The following LPCAT2 variants were observed in gnomAD, a reference collection of about 807,000 sequenced individuals.
LPCAT2 encodes lysophosphatidylcholine acyltransferase 2.
LPCAT2 carries 58 observed loss-of-function variants against 64.7 expected under a neutral mutation model. The observed-to-expected ratio is 0.90, with a 90% CI of 0.73 to 1.12. LPCAT2 has a LOEUF of 1.12. LPCAT2 is among the 50% of genes most tolerant of loss of function. The pLI, the probability that LPCAT2 is intolerant of heterozygous loss-of-function variation, is 0.00. For missense variants in LPCAT2, 579 were observed against 669.8 expected, an observed-to-expected ratio of 0.86 and a Z score of 1.50; for synonymous variants, 252 against 245.3, an observed-to-expected ratio of 1.03 and a Z score of -0.26.
intron 8 of LPCAT2, among the ~76,000 whole-genome samples, chr16:55,543,612 A>G (rs781648573): frequency 3.3e-5 from 5 of 152,174 alleles, no homozygotes; most frequent in Admixed American, 6.5e-5. Context: ...ATTTTTAGAA[A>G]TATTTCTTTG....
At chr16:55,538,698 A>AAAAAAG (rs1567397106) in intron 8 of LPCAT2, 1 of 149,846 alleles carries the variant, frequency 6.7e-6, no homozygotes, top group African/African-American at 2.5e-5. Context: ...AAAAAAAAAA[A>AAAAAAG]AAAAAGAAAA....
intron 1 of LPCAT2, 32 bp from the exon 2 acceptor site, chr16:55,525,476 A>G: frequency 6.3e-7 from 1 of 1,581,016 alleles, no homozygotes. Context: ...AATAATGTCC[A>G]TTCATTTATT....
chr16:55,548,922 A>C (rs1270385213), intron 9 of LPCAT2, among the ~76,000 whole-genome samples: 4 of 152,234 alleles, frequency 2.6e-5, no homozygotes, highest in African/African-American at 9.6e-5. Context: ...GAGAAAAGTG[A>C]GGCTTCATCC....
chr16:55,512,498 C>T (rs1325744445), intron 1 of LPCAT2, among the ~76,000 whole-genome samples: 2 of 152,050 alleles, frequency 1.3e-5, no homozygotes, highest in African/African-American at 4.8e-5. Context: ...AAAGCCTCAG[C>T]CTTATTGATT....
chr16:55,546,226 T>A (rs1176251702), intron 9 of LPCAT2, among the ~76,000 whole-genome samples: 1 of 152,094 alleles, frequency 6.6e-6, no homozygotes, highest in Non-Finnish European at 1.5e-5. Context: ...AAGAGATGCA[T>A]AGAAGAGGGA....
chr16:55,565,938 A>T (rs558401714), intron 11 of LPCAT2, among the ~76,000 whole-genome samples: 3 of 152,162 alleles, frequency 2.0e-5, no homozygotes, highest in African/African-American at 7.2e-5. Context: ...GTACTGTCTG[A>T]TTTAATTTAT....
At chr16:55,572,041 T>A (rs755551465) in intron 11 of LPCAT2, among the ~76,000 whole-genome samples, 1 of 152,318 alleles carries the variant, frequency 6.6e-6, no homozygotes, top group South Asian at 2.1e-4. Flanking sequence ...TCCATGCTGC[T>A]TTTTCCTTCA....
chr16:55,571,346 T>C (rs1417393713), intron 11 of LPCAT2, among the ~76,000 whole-genome samples: 4 of 152,132 alleles, frequency 2.6e-5, no homozygotes, highest in African/African-American at 9.7e-5. Context: ...ACTAAGCAGA[T>C]GAAAGGTGCT....
At chr16:55,533,815 T>G (rs905252516) in intron 6 of LPCAT2, among the ~76,000 whole-genome samples, 9 of 152,168 alleles carry the variant, frequency 5.9e-5, no homozygotes, top group African/African-American at 2.2e-4. Flanking sequence ...ACCATTTTCC[T>G]AAAGAAAGAT....
In LPCAT2 at chr16:55,583,078, T is replaced by A. The variant is rs1963905201; in HGVS notation, c.1615T>A (p.Ser539Thr). ...VSPEKHEESTSDKKDD is the reference protein window; with the variant it reads ...VSPEKHEESTTDKKDD The stretch of plus-strand genomic sequence containing the variant: ...CCCTGAAAAGCATGAAGAGAGTACC[T>A]CAGACAAAAAAGATGACTGAAAGCA... The change falls in exon 14 of 14, where the codon TCA becomes ACA. Residue 539 changes from serine (S) to threonine (T), a missense_variant. Physicochemically the swap from Ser to Thr is moderately conservative, Grantham distance 58. Coordinates refer to ENST00000262134, the MANE Select transcript of LPCAT2 (RefSeq NM_017839.5). 1 of 1,612,084 alleles carries A rather than the reference T, an allele frequency of 6.2e-7. No individual in the cohort carries two copies. The highest frequency in any genetic ancestry group is 1.3e-5 in the African/African-American group (1 of 74,660).
intron 1 of LPCAT2, among the ~76,000 whole-genome samples, chr16:55,509,705 C>A (rs1363631956): frequency 6.6e-6 from 1 of 151,926 alleles, no homozygotes; most frequent in Non-Finnish European, 1.5e-5. Context: ...GAGGAGAGGA[C>A]TTCTGAGGGG....
chr16:55,583,227 A>G lies in LPCAT2; in HGVS notation c.*129A>G. 1.4e-6 allele frequency: 1 copy of G among 726,068 alleles called. No homozygotes were observed. Among genetic ancestry groups the G allele is most frequent in the Non-Finnish European group, 2.1e-6 (1 of 475,344 alleles). The allele number at this position is 726,068 out of a possible 1,614,324, so 45.0% of individuals were successfully genotyped here. On this transcript the variant is annotated 3_prime_UTR_variant, in exon 14 of 14. Transcript: ENST00000262134. ...AAGATTTTTAAAACAAAAATGATAG[A>G]TTTTCTTACTAAAAATGTTTTTATT...
In LPCAT2 at chr16:55,516,932, A is replaced by C. The variant is rs1356307056; in HGVS notation, c.171+7580A>C. On this transcript the variant is annotated intron_variant, in intron 1 of 13. Transcript: ENST00000262134. ...TAAAGTGGTTAAAATAATACAAAGT[A>C]TGTTCTCTGACCACAGTGGATTGAA... Among the ~76,000 whole-genome samples, 5 of 152,248 alleles carry C rather than the reference A, an allele frequency of 3.3e-5. No individual in the cohort carries two copies. In the South Asian group the frequency reaches 1.0e-3, roughly 31 times the overall value.
chr16:55,509,169 GC>G lies in LPCAT2; in HGVS notation c.-10del. ...GTAGATCGCTTCGGCCGGGTTCTAC[GC>G]CCGGCTCAACTATGAGCCGGTGCGC... On this transcript the variant is annotated 5_prime_UTR_variant, in exon 1 of 14. Transcript: ENST00000262134. The G allele has an allele frequency of 7.5e-7, 1 of 1,337,038 alleles. No homozygotes were observed. The highest frequency in any genetic ancestry group is 9.6e-7 in the Non-Finnish European group (1 of 1,039,362). The allele number at this position is 1,337,038 out of a possible 1,614,324, so 82.8% of individuals were successfully genotyped here. A position where few individuals can be genotyped will look rare whatever the true frequency, so the allele number is the denominator to read the frequency against.
intron 8 of LPCAT2, among the ~76,000 whole-genome samples, chr16:55,544,244 A>AG (rs397766023): frequency 6.6e-6 from 1 of 151,740 alleles, no homozygotes; most frequent in African/African-American, 2.4e-5. Context: ...TTGGAAAAAA[A>AG]TGGTATTTTT....
intron 3 of LPCAT2, among the ~76,000 whole-genome samples, 194 bp downstream of exon 3, chr16:55,528,788 A>G (rs1963211466): frequency 1.3e-5 from 2 of 152,192 alleles, no homozygotes. Flanking sequence ...TCCCTTTTAT[A>G]GCTTCATAAC....
rs1163237222 is a variant in LPCAT2 at position 55,529,899 on chromosome 16, A to G, written c.594A>G (p.Thr198=). Residue 198 remains threonine, a synonymous_variant, in exon 4 of 14, where the codon ACA becomes ACG. Coordinates refer to ENST00000262134, the MANE Select transcript of LPCAT2 (RefSeq NM_017839.5). The part of the protein sequence containing the change: ...SRVDPDSRKN[T]INEIIKRTTS... The stretch of plus-strand genomic sequence containing the variant: ...TAGATCCGGATTCCCGAAAAAACAC[A>G]ATAAATGAAATAATAAAGCGAACAA... 4.1e-6 allele frequency: 6 copies of G among 1,446,736 alleles called. No individual in the cohort carries two copies. The highest frequency in any genetic ancestry group is 2.1e-5 in the Admixed American group (1 of 47,672). The allele number at this position is 1,446,736 out of a possible 1,614,324, so 89.6% of individuals were successfully genotyped here.
At chr16:55,573,184 T>TGCTTTGAGAA in intron 11 of LPCAT2, among the ~76,000 whole-genome samples, 1 of 152,342 alleles carries the variant, frequency 6.6e-6, no homozygotes, top group Admixed American at 6.5e-5. Context: ...AAGTTTTGGT[T>TGCTTTGAGAA]GCTTTGAGAA....
At chr16:55,530,032 A>ATT in intron 4 of LPCAT2, 85 bp downstream of exon 4, 98 of 958,970 alleles carry the variant, frequency 1.0e-4, no homozygotes, top group Middle Eastern at 2.2e-4. Flanking sequence ...ATCCACAGAT[A>ATT]GCAATATCTG....
Sources: gnomAD v4.1 joint callset for allele counts (sites outside exome capture counted in the v4.1 genomes callset) on GRCh38, gnomAD v4.1.1 for gene constraint, MANE v1.5 for transcripts, NCBI Gene and HGNC (gene_info 2026-07-23, HGNC 2026-07-21) for gene names.